The following PTCRA variants were observed in gnomAD, a reference collection of about 807,000 sequenced individuals.
PTCRA encodes the protein pre T cell antigen receptor alpha, also known as pre T-cell antigen receptor alpha.
Under a neutral mutation model 13.4 loss-of-function variants are expected in PTCRA, and 9 were observed. The ratio of observed to expected loss-of-function variants is 0.67; its 90% CI spans 0.41 to 1.18. The LOEUF (loss-of-function observed/expected upper bound fraction) is 1.18. Among genes scored for constraint, PTCRA ranks in the 50% most tolerant of loss-of-function variants. The pLI, the probability that PTCRA is intolerant of heterozygous loss-of-function variation, is 0.01. For missense variants in PTCRA, 353 were observed against 359.8 expected, an observed-to-expected ratio of 0.98 and a Z score of 0.15; for synonymous variants, 153 against 161.9, an observed-to-expected ratio of 0.94 and a Z score of 0.42.
At chr6:42,916,286 G>A (rs1455721209) in intron 1 of PTCRA, among the ~76,000 whole-genome samples, 159 bp downstream of exon 1, 1 of 152,008 alleles carries the variant, frequency 6.6e-6, no homozygotes, top group East Asian at 1.9e-4. Flanking sequence ...GGACCTCTGG[G>A]GAGGGGACCC....
intron 2 of PTCRA, among the ~76,000 whole-genome samples, chr6:42,923,826 A>C (rs1297657781): frequency 3.9e-5 from 6 of 152,092 alleles, no homozygotes; most frequent in Non-Finnish European, 8.8e-5. Flanking sequence ...TTCCCCCTCC[A>C]TTGTATTTTG....
chr6:42,917,299 T>A (rs1766921641), intron 1 of PTCRA, among the ~76,000 whole-genome samples: 1 of 148,772 alleles, frequency 6.7e-6, no homozygotes, highest in South Asian at 2.1e-4. Flanking sequence ...CTTGGCTCAC[T>A]ACAACCTCCA....
intron 1 of PTCRA, among the ~76,000 whole-genome samples, 164 bp downstream of exon 1, chr6:42,916,291 G>A (rs1766875427): frequency 6.6e-6 from 1 of 152,060 alleles, no homozygotes. Context: ...TCTGGGGAGG[G>A]GACCCTATAT....
Position 42,925,742 on chromosome 6 carries a change from AG to A in PTCRA, c.*65del. 1 of 1,241,786 alleles carries A rather than the reference AG, an allele frequency of 8.1e-7. No homozygotes were observed. 76.9% of individuals were successfully genotyped at this position (1,241,786 alleles called of 1,614,324 possible). A position where few individuals can be genotyped will look rare whatever the true frequency, so the allele number is the denominator to read the frequency against. On this transcript the variant is annotated 3_prime_UTR_variant, in exon 4 of 4. Transcript: ENST00000304672. This position sits in a 1 kb window ranked among gnomAD's most constrained non-coding sequence, Gnocchi z 4.4. Reference sequence around the variant, plus strand: ...TGAGGCTGTGTCTCTGCCATCCAAAAGGGGGCCCCTTGAGAATGGTGATCCA... The same window carrying A: ...TGAGGCTGTGTCTCTGCCATCCAAAAGGGGCCCCTTGAGAATGGTGATCCA...
At chr6:42,923,793 T>C (rs1767302206) in intron 2 of PTCRA, among the ~76,000 whole-genome samples, 1 of 152,220 alleles carries the variant, frequency 6.6e-6, no homozygotes, top group Admixed American at 6.5e-5. Context: ...TTAAGCAACA[T>C]GTCTAAAGCC....
rs528637278 is a variant in PTCRA, at chr6:42,924,671, G to A, written c.424+398G>A. On this transcript the variant is annotated intron_variant, in intron 3 of 3. Coordinates refer to ENST00000304672, the MANE Select transcript of PTCRA (RefSeq NM_138296.3). The stretch of plus-strand genomic sequence containing the variant: ...GGGCTGTGGTCCAACTCTGCTTCCC[G>A]ACCAAATAGAGAATTTTGAGGCCGG... 6.6e-5 allele frequency among the ~76,000 whole-genome samples: 10 copies of A among 152,144 alleles called. No homozygotes were observed. The South Asian group carries it at 1.7e-3, about 25-fold the overall frequency.
intron 3 of PTCRA, 54 bp downstream of exon 3, chr6:42,924,327 G>A (rs1767324029): frequency 1.3e-6 from 2 of 1,530,058 alleles, no homozygotes; most frequent in Non-Finnish European, 1.8e-6. Context: ...AGGACCTTGG[G>A]CCCGGGGGGT....
chr6:42,924,602 T>C (rs962219440), intron 3 of PTCRA, among the ~76,000 whole-genome samples: 1 of 152,108 alleles, frequency 6.6e-6, no homozygotes, highest in Non-Finnish European at 1.5e-5. Context: ...AATGGGAGGC[T>C]GTCTGGGGTG....
chr6:42,925,094 A>G lies in PTCRA; in HGVS notation c.425-167A>G, dbSNP rs1296281886. On this transcript the variant is annotated intron_variant, in intron 3 of 3. Transcript: ENST00000304672. The surrounding 1 kb of genome is among the most constrained non-coding windows in gnomAD (Gnocchi z 4.4). ...AAAATAAAATGAAGGCCAGGAAGGT[A>G]TGTATTATTACCAGTAAGAACGGAG... The G allele has an allele frequency of 2.3e-6, 2 of 853,102 alleles. No individual in the cohort carries two copies. Among genetic ancestry groups the G allele is most frequent in the African/African-American group, 1.7e-5 (1 of 57,622 alleles). The allele number at this position is 853,102 out of a possible 1,614,324, so 52.8% of individuals were successfully genotyped here. A position where few individuals can be genotyped will look rare whatever the true frequency, so the allele number is the denominator to read the frequency against.
intron 1 of PTCRA, among the ~76,000 whole-genome samples, chr6:42,920,550 G>A (rs1281824622): frequency 6.7e-6 from 1 of 149,410 alleles, no homozygotes; most frequent in African/African-American, 2.5e-5. Flanking sequence ...TCAGCCTCCC[G>A]AGTAAATGGG....
At chr6:42,921,525 C>A (rs1391316012) in intron 1 of PTCRA, among the ~76,000 whole-genome samples, 1 of 143,708 alleles carries the variant, frequency 7.0e-6, no homozygotes, top group East Asian at 2.2e-4. Flanking sequence ...TCAAGTGATT[C>A]TCCTGCCGCA....
At chr6:42,918,074 G>A (rs1356151653) in intron 1 of PTCRA, among the ~76,000 whole-genome samples, 1 of 152,010 alleles carries the variant, frequency 6.6e-6, no homozygotes, top group Non-Finnish European at 1.5e-5. Context: ...TGGCCAACAT[G>A]ACGAAACCCC....
In PTCRA at chr6:42,923,258, AGGAGCTGGCATCCTG is replaced by A. The variant is rs1245910965; in HGVS notation, c.296_310del (p.Leu99_Glu103del). 18 of 1,614,072 alleles carry A rather than the reference AGGAGCTGGCATCCTG, an allele frequency of 1.1e-5. No individual in the cohort carries two copies. The highest frequency in any genetic ancestry group is 1.5e-5 in the Non-Finnish European group (18 of 1,180,042). On this transcript the variant is annotated inframe_deletion, in exon 2 of 4. Coordinates refer to ENST00000304672, the MANE Select transcript of PTCRA (RefSeq NM_138296.3). ...TTGGCCCATCTCTCCCTGCCTTCTG[AGGAGCTGGCATCCTG>A]GGAGCCTTTGGTCTGCCACACTGGG...
rs556504572 is a variant in PTCRA, at chr6:42,922,520, G to A, written c.59-507G>A. The stretch of plus-strand genomic sequence containing the variant: ...TCCCAGCACTTTGGGAGGACGAGGC[G>A]GGTGGATCACGAGGTCAGGAGATCG... On this transcript the variant is annotated intron_variant, in intron 1 of 3. Coordinates refer to ENST00000304672, the MANE Select transcript of PTCRA (RefSeq NM_138296.3). Among the ~76,000 whole-genome samples, 15 of 152,118 alleles carry A rather than the reference G, an allele frequency of 9.9e-5. No homozygotes were observed. The East Asian group carries it at 2.5e-3, about 26-fold the overall frequency.
intron 1 of PTCRA, chr6:42,922,272 A>AT (rs774729373): frequency 2.9e-5 from 20 of 701,182 alleles, no homozygotes; most frequent in East Asian, 8.1e-5. Flanking sequence ...TATTACAAGT[A>AT]TTTTTTTTAC....
intron 1 of PTCRA, among the ~76,000 whole-genome samples, chr6:42,921,887 A>T (rs1045758945): frequency 6.6e-6 from 1 of 151,840 alleles, no homozygotes; most frequent in Non-Finnish European, 1.5e-5. Flanking sequence ...CATAAAAATA[A>T]AAATGAACTG....
intron 2 of PTCRA, 63 bp from the exon 3 acceptor site, chr6:42,924,166 G>A (rs893820421): frequency 2.9e-5 from 42 of 1,436,370 alleles, no homozygotes; most frequent in Non-Finnish European, 3.9e-5. Flanking sequence ...CATAGCACTG[G>A]GGATGCCCTC....
chr6:42,925,395 C>G lies in PTCRA; in HGVS notation c.559C>G (p.Arg187Gly), dbSNP rs187988655. 8 of 1,554,040 alleles carry G rather than the reference C, an allele frequency of 5.1e-6. No individual in the cohort carries two copies. Among genetic ancestry groups the G allele is most frequent in the Non-Finnish European group, 7.0e-6 (8 of 1,148,576 alleles). Residue 187 changes from arginine (R) to glycine (G), a missense_variant, in exon 4 of 4, where the codon CGC becomes GGC. Transcript: ENST00000304672. This position sits in a 1 kb window ranked among gnomAD's most constrained non-coding sequence, Gnocchi z 4.4. The part of the protein sequence containing the change: ...GPLPSPATTT[R>G]LRALGSHRLH... ...GCTGCCTTCCCCCGCAACCACCACC[C>G]GCCTGCGAGCCCTCGGCTCCCATCG...
At chr6:42,922,697 G>T (rs572152822) in intron 1 of PTCRA, among the ~76,000 whole-genome samples, 22 of 150,488 alleles carry the variant, frequency 1.5e-4, no homozygotes, top group Non-Finnish European at 3.1e-4. Context: ...CTGAGATCGC[G>T]CCACTGCACT....
Sources: gnomAD v4.1 joint callset for allele counts (sites outside exome capture counted in the v4.1 genomes callset) on GRCh38, gnomAD v4.1.1 for gene constraint, Gnocchi (gnomAD v3.1) non-coding constraint, MANE v1.5 for transcripts, NCBI Gene and HGNC (gene_info 2026-07-23, HGNC 2026-07-21) for gene names.